SCAPER: variants seen among roughly 807,000 people sequenced by gnomAD.
SCAPER encodes S phase cyclin A-associated protein in the endoplasmic reticulum.
A neutral mutation model predicts 182.2 loss-of-function variants in SCAPER; 98 were observed. The observed-to-expected ratio is 0.54, with a 90% CI of 0.46 to 0.64. The LOEUF is 0.64. Among genes scored for constraint, SCAPER ranks in the 30% least tolerant of loss-of-function variants. The pLI is 0.00. For missense variants in SCAPER, 1,432 were observed against 1,690.0 expected (o/e 0.85, Z 2.68); for synonymous variants, 605 against 564.6 (o/e 1.07, Z -1.01).
At chr15:76,774,429 G>C (rs1378104501) in intron 9 of SCAPER, 1 of 380,860 alleles carries the variant, frequency 2.6e-6, no homozygotes, top group African/African-American at 2.2e-5. Flanking sequence ...AAAATTATTG[G>C]GAAAACTAAA....
chr15:76,416,808 T>C (rs1271214081), intron 26 of SCAPER, among the ~76,000 whole-genome samples: 1 of 152,238 alleles, frequency 6.6e-6, no homozygotes, highest in African/African-American at 2.4e-5. Context: ...TGTGTAATAA[T>C]AGGTTACCTG....
At chr15:76,464,805 AT>A in intron 25 of SCAPER, among the ~76,000 whole-genome samples, 1 of 151,976 alleles carries the variant, frequency 6.6e-6, no homozygotes, top group South Asian at 2.1e-4. Context: ...TCTCTTTTTA[AT>A]TTTTTTTAGG....
intron 5 of SCAPER, among the ~76,000 whole-genome samples, chr15:76,830,208 T>C (rs1249849143): frequency 6.6e-6 from 1 of 152,064 alleles, no homozygotes; most frequent in East Asian, 1.9e-4. Context: ...CTGATTTACA[T>C]GGGGCAGAAG....
intron 17 of SCAPER, among the ~76,000 whole-genome samples, chr15:76,713,197 C>T (rs373809817): frequency 0.074 from 11,279 of 151,656 alleles, 465 homozygotes; most frequent in Middle Eastern, 0.1. Flanking sequence ...TAAACTAGTT[C>T]AACCATTGTG....
At chr15:76,692,514 C>T (rs1009959378) in intron 20 of SCAPER, among the ~76,000 whole-genome samples, 2 of 151,616 alleles carry the variant, frequency 1.3e-5, no homozygotes, top group Non-Finnish European at 2.9e-5. Flanking sequence ...AGTGGTGAAA[C>T]CTCATCTCTA....
intron 21 of SCAPER, among the ~76,000 whole-genome samples, chr15:76,652,647 G>C (rs2055269362): frequency 6.6e-6 from 1 of 150,756 alleles, no homozygotes; most frequent in African/African-American, 2.4e-5. Context: ...GGAGGCAGAG[G>C]TTTCAGTGAG....
chr15:76,628,019 T>C (rs919092916), intron 21 of SCAPER, among the ~76,000 whole-genome samples: 1 of 152,246 alleles, frequency 6.6e-6, no homozygotes, highest in Non-Finnish European at 1.5e-5. Context: ...GTGGTTTTGA[T>C]TTACATTTCT....
At chr15:76,525,450 T>C (rs1045185401) in intron 23 of SCAPER, among the ~76,000 whole-genome samples, 1 of 152,180 alleles carries the variant, frequency 6.6e-6, no homozygotes, top group East Asian at 1.9e-4. Context: ...TACTACATGA[T>C]GCTGAGGTTG....
At chr15:76,713,890 T>G (rs1261031307) in intron 17 of SCAPER, among the ~76,000 whole-genome samples, 1 of 152,136 alleles carries the variant, frequency 6.6e-6, no homozygotes, top group Non-Finnish European at 1.5e-5. Context: ...AGTTATTTAC[T>G]CAAGAGAAGC....
intron 25 of SCAPER, among the ~76,000 whole-genome samples, chr15:76,458,411 C>T (rs2048908285): frequency 6.6e-6 from 1 of 151,696 alleles, no homozygotes; most frequent in Non-Finnish European, 1.5e-5. Context: ...CAAACATACA[C>T]ACACACACAC....
intron 23 of SCAPER, among the ~76,000 whole-genome samples, chr15:76,559,492 A>G (rs2046444465): frequency 6.6e-6 from 1 of 152,058 alleles, no homozygotes; most frequent in South Asian, 2.1e-4. Context: ...CCCCAGCCAT[A>G]TGGAACTGTG....
chr15:76,691,280 G>A (rs147986463), intron 20 of SCAPER, among the ~76,000 whole-genome samples: 170 of 151,952 alleles, frequency 1.1e-3, no homozygotes, highest in African/African-American at 3.9e-3. Context: ...ATACTTAATT[G>A]AAGAAAACCG....
chr15:76,604,690 CCTTT>C (rs2050214412), intron 22 of SCAPER, among the ~76,000 whole-genome samples: 1 of 151,956 alleles, frequency 6.6e-6, no homozygotes, highest in South Asian at 2.1e-4. Context: ...TCTGTATCCT[CCTTT>C]ATTTCACTGA....
chr15:76,548,890 G>A (rs1233644919), intron 23 of SCAPER, among the ~76,000 whole-genome samples: 2 of 152,156 alleles, frequency 1.3e-5, no homozygotes, highest in African/African-American at 4.8e-5. Flanking sequence ...CATGGGCAAG[G>A]ACTTCATGTC....
At chr15:76,759,326 C>A (rs182443612) in intron 14 of SCAPER, among the ~76,000 whole-genome samples, 3 of 152,242 alleles carry the variant, frequency 2.0e-5, no homozygotes, top group Non-Finnish European at 4.4e-5. Context: ...AGTCCAATAT[C>A]AAGGTGGTGG....
At chr15:76,688,379 G>A (rs2058151334) in intron 20 of SCAPER, among the ~76,000 whole-genome samples, 1 of 152,168 alleles carries the variant, frequency 6.6e-6, no homozygotes, top group South Asian at 2.1e-4. Context: ...CTCCCATTCT[G>A]TAGGTTGCCT....
chr15:76,386,384 G>A lies in SCAPER; in HGVS notation c.3468-4769C>T, dbSNP rs144090365. 4.6e-5 allele frequency among the ~76,000 whole-genome samples: 7 copies of A among 152,314 alleles called. No individual in the cohort carries two copies. In the East Asian group the frequency reaches 1.3e-3, roughly 29 times the overall value. ...TTCATTCATTCAACAAATATTCACT[G>A]ATGGCCAACTATGTGGCAAGCCCTA... On this transcript the variant is annotated intron_variant, in intron 27 of 31. Coordinates refer to ENST00000563290, the MANE Select transcript of SCAPER (RefSeq NM_020843.4).
intron 21 of SCAPER, among the ~76,000 whole-genome samples, chr15:76,644,752 A>AT (rs1392118200): frequency 6.6e-6 from 1 of 152,084 alleles, no homozygotes; most frequent in African/African-American, 2.4e-5. Context: ...GCTCTACTTT[A>AT]TTTTTTTATA....
intron 14 of SCAPER, among the ~76,000 whole-genome samples, chr15:76,761,883 T>C (rs1350545906): frequency 1.3e-5 from 2 of 152,228 alleles, no homozygotes; most frequent in African/African-American, 4.8e-5. Context: ...AGTGGACCAC[T>C]GAAGTCTCCT....
Sources: gnomAD v4.1 joint callset for allele counts (sites outside exome capture counted in the v4.1 genomes callset) on GRCh38, gnomAD v4.1.1 for gene constraint, MANE v1.5 for transcripts, NCBI Gene and HGNC (gene_info 2026-07-23, HGNC 2026-07-21) for gene names.